Variants in MCPH1 observed in about 807,000 individuals in gnomAD.
MCPH1 encodes the protein microcephalin.
A neutral mutation model predicts 84.5 loss-of-function variants in MCPH1; 104 were observed. The observed-to-expected ratio is 1.23, with a 90% CI of 1.05 to 1.45. MCPH1 has a LOEUF of 1.45. MCPH1 is among the 40% of genes most tolerant of loss of function. The pLI is 0.00. For synonymous variants in MCPH1, 514 were observed against 366.8 expected, an observed-to-expected ratio of 1.40 and a Z score of -4.58; for missense variants, 1,498 against 1,005.7, an observed-to-expected ratio of 1.49 and a Z score of -6.62.
intron 11 of MCPH1, 112 bp downstream of exon 11, chr8:6,480,988 A>T (rs1469552053): frequency 2.4e-5 from 31 of 1,268,362 alleles, no homozygotes; most frequent in Non-Finnish European, 3.3e-5. Flanking sequence ...GTGGATCTGC[A>T]CACTTTCCTG....
At chr8:6,547,049 C>A (rs948351866) in intron 12 of MCPH1, among the ~76,000 whole-genome samples, 1 of 152,000 alleles carries the variant, frequency 6.6e-6, no homozygotes, top group Non-Finnish European at 1.5e-5. Flanking sequence ...GCACGTGTTC[C>A]GTGTGTACCG....
chr8:6,488,382 A>G (rs537046654), intron 11 of MCPH1, among the ~76,000 whole-genome samples: 125 of 152,358 alleles, frequency 8.2e-4, no homozygotes, highest in Non-Finnish European at 1.6e-3. Context: ...ATTTGGAAAG[A>G]TGTGGAGAAA....
chr8:6,573,893 A>G (rs937609275), intron 12 of MCPH1, among the ~76,000 whole-genome samples: 2 of 152,208 alleles, frequency 1.3e-5, no homozygotes, highest in Admixed American at 6.5e-5. Context: ...AAAAACCACA[A>G]TGAATTGTTC....
chr8:6,517,794 G>C (rs1816555517), intron 12 of MCPH1, among the ~76,000 whole-genome samples: 1 of 152,200 alleles, frequency 6.6e-6, no homozygotes, highest in Non-Finnish European at 1.5e-5. Context: ...GGCAGAGCTA[G>C]AATTTACATC....
chr8:6,438,519 T>C (rs1394088381), intron 5 of MCPH1, among the ~76,000 whole-genome samples: 1 of 152,208 alleles, frequency 6.6e-6, no homozygotes, highest in East Asian at 1.9e-4. Context: ...TGCAGTCAAG[T>C]TCATGTCTGG....
At chr8:6,506,092 T>A (rs13249897) in intron 12 of MCPH1, among the ~76,000 whole-genome samples, 12,948 of 150,418 alleles carry the variant, frequency 0.086, 922 homozygotes, top group Admixed American at 0.15. Context: ...TTCATCCAGG[T>A]TCCTACATTG....
rs56882906 is a variant in MCPH1, at chr8:6,533,569, CT to C, written c.2214+33663del. ...ACTCCAGATACTTAGCGTTTAGTTT[CT>C]TTTTTTTTTTTTTTTTTTTTTTAAA... On this transcript the variant is annotated intron_variant, in intron 12 of 13. Coordinates refer to ENST00000344683, the MANE Select transcript of MCPH1 (RefSeq NM_024596.5). Among the ~76,000 whole-genome samples the C allele has an allele frequency of 1.5e-3, 169 of 113,340 alleles. 1 individual carries two copies. The highest frequency in any genetic ancestry group is 6.3e-3 in the Middle Eastern group (1 of 160). The allele number at this position is 113,340 out of a possible 152,430, so 74.4% of individuals were successfully genotyped here. A position where few individuals can be genotyped will look rare whatever the true frequency, so the allele number is the denominator to read the frequency against.
At chr8:6,530,729 A>G (rs1222995653) in intron 12 of MCPH1, among the ~76,000 whole-genome samples, 1 of 152,150 alleles carries the variant, frequency 6.6e-6, no homozygotes, top group Non-Finnish European at 1.5e-5. Context: ...CCTGGTAGTC[A>G]AGTAATTTGT....
At chr8:6,513,596 G>A in intron 12 of MCPH1, 2 of 1,204,704 alleles carry the variant, frequency 1.7e-6, no homozygotes, top group Non-Finnish European at 2.3e-6. Context: ...GCCTCCCAAA[G>A]TGCTGGGATT....
chr8:6,492,833 T>C (rs957333539), intron 11 of MCPH1, among the ~76,000 whole-genome samples: 2 of 151,848 alleles, frequency 1.3e-5, no homozygotes, highest in Non-Finnish European at 2.9e-5. Flanking sequence ...ATAAGGATTA[T>C]TGTTAAATTA....
At chr8:6,406,759 C>T in intron 1 of MCPH1, 70 bp downstream of exon 1, 2 of 1,560,690 alleles carry the variant, frequency 1.3e-6, no homozygotes, top group Non-Finnish European at 1.8e-6. Flanking sequence ...CGCGGGCGCA[C>T]TCGGGGGATC....
chr8:6,571,376 CTTAT>C (rs1480890887), intron 12 of MCPH1, among the ~76,000 whole-genome samples: 2 of 152,124 alleles, frequency 1.3e-5, no homozygotes, highest in African/African-American at 2.4e-5. Flanking sequence ...TTGAGGTGGG[CTTAT>C]TTGTTATAAG....
Position 6,621,443 on chromosome 8 carries a change from C to T in MCPH1, c.2215-11C>T, listed in dbSNP as rs1831403062. Reference sequence around the variant, plus strand: ...CCCACCTCTGTAATTCTATCTCTGTCTGCCCCACAGCTGTGCCGAAGCGAG... The same window carrying T: ...CCCACCTCTGTAATTCTATCTCTGTTTGCCCCACAGCTGTGCCGAAGCGAG... On this transcript the variant is annotated splice_polypyrimidine_tract_variant and intron_variant, in intron 12 of 13. Coordinates refer to ENST00000344683, the MANE Select transcript of MCPH1 (RefSeq NM_024596.5). 1.2e-6 allele frequency: 2 copies of T among 1,613,786 alleles called. No homozygotes were observed. The highest frequency in any genetic ancestry group is 4.5e-5 in the East Asian group (2 of 44,882).
At chr8:6,623,060 C>G (rs1365400907) in intron 13 of MCPH1, among the ~76,000 whole-genome samples, 1 of 145,608 alleles carries the variant, frequency 6.9e-6, no homozygotes, top group East Asian at 2.0e-4. Context: ...CCTATGTTGC[C>G]CAGGATAGTC....
chr8:6,439,153 G>T (rs1394154845), intron 6 of MCPH1, 57 bp downstream of exon 6: 12 of 1,537,068 alleles, frequency 7.8e-6, no homozygotes, highest in African/African-American at 2.7e-5. Flanking sequence ...AATTATGGTG[G>T]AAAGCTTCTT....
chr8:6,540,366 T>A (rs183208972), intron 12 of MCPH1, among the ~76,000 whole-genome samples: 3 of 152,356 alleles, frequency 2.0e-5, no homozygotes, highest in Admixed American at 6.5e-5. Flanking sequence ...ATTTTAAATA[T>A]ATGTAAGTTT....
rs17077609 is a variant in MCPH1 at position 6,585,618 on chromosome 8, G to T, written c.2215-35836G>T. 0.03 allele frequency among the ~76,000 whole-genome samples: 4,609 copies of T among 152,298 alleles called. 375 individuals carry two copies. The East Asian group carries it at 0.33, about 11-fold the overall frequency. On this transcript the variant is annotated intron_variant, in intron 12 of 13. Transcript: ENST00000344683. ...TTTCCCTCTACTGAAATTTATTTGT[G>T]ACATCAGGCATCACTTTCACCTTAG...
chr8:6,596,639 C>A (rs908403468), intron 12 of MCPH1, among the ~76,000 whole-genome samples: 4 of 152,036 alleles, frequency 2.6e-5, no homozygotes, highest in African/African-American at 9.7e-5. Flanking sequence ...ACAGAGGAAC[C>A]CCTGGGCTAA....
At chr8:6,412,667 G>A (rs1798703344) in intron 2 of MCPH1, among the ~76,000 whole-genome samples, 1 of 152,132 alleles carries the variant, frequency 6.6e-6, no homozygotes, top group South Asian at 2.1e-4. Flanking sequence ...TTTTCGTCCT[G>A]TTTAGTGTGT....
Sources: allele counts gnomAD v4.1 joint callset (sites outside exome capture counted in the v4.1 genomes callset), GRCh38; gene constraint gnomAD v4.1.1; transcripts MANE v1.5; gene names NCBI Gene and HGNC (gene_info 2026-07-23, HGNC 2026-07-21).